Variants in DIP2C observed in about 807,000 individuals in gnomAD.
DIP2C encodes disco-interacting protein 2 homolog C.
Under a neutral mutation model 192.4 loss-of-function variants are expected in DIP2C, and 33 were observed. The observed-to-expected ratio is 0.17, with a 90% CI of 0.13 to 0.23. DIP2C has a LOEUF of 0.23. DIP2C is among the 10% of genes least tolerant of loss of function. The probability of loss-of-function intolerance (pLI) is 1.00; values close to 1 mark genes in which losing one functional copy is unlikely to be tolerated. For synonymous variants in DIP2C, 979 were observed against 864.1 expected (o/e 1.13, Z -2.33); for missense variants, 1,537 against 2,110.1 (o/e 0.73, Z 5.32).
At chr10:389,591 ATGC>A (rs1378373960) in intron 13 of DIP2C, among the ~76,000 whole-genome samples, 2 of 152,194 alleles carry the variant, frequency 1.3e-5, no homozygotes, top group Non-Finnish European at 1.5e-5. Context: ...CCAGATCCAC[ATGC>A]TGAAGCCCAG....
At chr10:303,849 T>C (rs1414527615) in intron 32 of DIP2C, among the ~76,000 whole-genome samples, 1 of 152,196 alleles carries the variant, frequency 6.6e-6, no homozygotes, top group Non-Finnish European at 1.5e-5. Context: ...TTAAACTTTT[T>C]TTTTTGTTAT....
chr10:384,528 G>A lies in DIP2C; in HGVS notation c.1756+18C>T. On this transcript the variant is annotated intron_variant, in intron 15 of 36. Coordinates refer to ENST00000280886, the MANE Select transcript of DIP2C (RefSeq NM_014974.3). The stretch of plus-strand genomic sequence containing the variant: ...GCTGGGATTACAGGTGTGAGCCACT[G>A]CGCCCGGCGAGACCCACCTTTGTAC... 1 of 1,612,470 alleles carries A rather than the reference G, an allele frequency of 6.2e-7. No individual in the cohort carries two copies. The highest frequency in any genetic ancestry group is 8.5e-7 in the Non-Finnish European group (1 of 1,179,426).
At chr10:391,566 G>A (rs899295676) in intron 10 of DIP2C, among the ~76,000 whole-genome samples, 2 of 152,244 alleles carry the variant, frequency 1.3e-5, no homozygotes, top group African/African-American at 4.8e-5. Context: ...AGGCAGGTGG[G>A]CGAGCAGCCA....
At chr10:523,347 C>G (rs12783934) in intron 1 of DIP2C, among the ~76,000 whole-genome samples, 15,706 of 88,872 alleles carry the variant, frequency 0.18, 185 homozygotes, top group East Asian at 0.33. Flanking sequence ...GCAAAGGACC[C>G]TGGAGTGACG....
chr10:528,693 G>C (rs900330304), intron 1 of DIP2C, among the ~76,000 whole-genome samples: 1 of 152,188 alleles, frequency 6.6e-6, no homozygotes, highest in Non-Finnish European at 1.5e-5. Context: ...CCGGGAGCAC[G>C]TGCTTGGATA....
Position 274,971 on chromosome 10 carries a change from C to CA in DIP2C, c.*2353dup, listed in dbSNP as rs1314392946. 2 of 152,208 alleles carry CA rather than the reference C, an allele frequency of 1.3e-5. No individual in the cohort carries two copies. The highest frequency in any genetic ancestry group is 6.5e-5 in the Admixed American group (1 of 15,276). The allele number at this position is 152,208 out of a possible 1,614,324, so 9.4% of individuals were successfully genotyped here. Reference sequence around the variant, plus strand: ...AGTGTCTCCTTTCCTTTCTCTTGCACAACCAAATTTCAATCTCAGTCCACC... The same window carrying CA: ...AGTGTCTCCTTTCCTTTCTCTTGCACAAACCAAATTTCAATCTCAGTCCACC... On this transcript the variant is annotated 3_prime_UTR_variant, in exon 37 of 37. Coordinates refer to ENST00000280886, the MANE Select transcript of DIP2C (RefSeq NM_014974.3).
At chr10:387,490 G>T (rs1184539259) in intron 14 of DIP2C, among the ~76,000 whole-genome samples, 1 of 146,160 alleles carries the variant, frequency 6.8e-6, no homozygotes, top group Non-Finnish European at 1.5e-5. Flanking sequence ...CAGGCAGTGC[G>T]GGCGGCGGGG....
At chr10:580,420 C>T (rs376798111) in intron 1 of DIP2C, among the ~76,000 whole-genome samples, 234 of 152,226 alleles carry the variant, frequency 1.5e-3, no homozygotes, top group South Asian at 5.0e-3. Context: ...GGTGTATGTA[C>T]ACAGGTACAT....
At chr10:357,961 C>G in intron 22 of DIP2C, 24 bp from the exon 23 acceptor site, 1 of 1,571,162 alleles carries the variant, frequency 6.4e-7, no homozygotes, top group Non-Finnish European at 8.7e-7. Flanking sequence ...GAGACATGGC[C>G]ATGAGGAAAC....
At chr10:535,827 G>GT (rs1847663799) in intron 1 of DIP2C, among the ~76,000 whole-genome samples, 1 of 152,150 alleles carries the variant, frequency 6.6e-6, no homozygotes, top group African/African-American at 2.4e-5. Flanking sequence ...GACACCTTGG[G>GT]TCACATTTGC....
chr10:364,550 G>A lies in DIP2C; in HGVS notation c.2301C>T (p.Ile767=). Residue 767 remains isoleucine, a synonymous_variant, in exon 20 of 37, where the codon ATC becomes ATT. Transcript: ENST00000280886. ...CTGTCCTTATGAATGGGTATTCACT[G>A]ATCGGAGCCCCGGAGCTTGTCATGG... ...VFPMTSSGAP[I]SEYPFIRTGL... is the part of the protein sequence containing the mutation. 6.2e-7 allele frequency: 1 copy of A among 1,614,132 alleles called. No individual in the cohort carries two copies.
At chr10:338,747 C>T (rs1012457340) in intron 29 of DIP2C, among the ~76,000 whole-genome samples, 1 of 152,166 alleles carries the variant, frequency 6.6e-6, no homozygotes, top group Non-Finnish European at 1.5e-5. Context: ...GCTCTGACTC[C>T]CCCACGCTGC....
chr10:457,532 C>T (rs1254567972), intron 3 of DIP2C, among the ~76,000 whole-genome samples: 5 of 152,096 alleles, frequency 3.3e-5, no homozygotes, highest in African/African-American at 4.8e-5. Context: ...TTAGAAATGA[C>T]GAGGCACAGA....
intron 17 of DIP2C, among the ~76,000 whole-genome samples, chr10:380,949 A>AC (rs1182704045): frequency 6.6e-6 from 1 of 152,016 alleles, no homozygotes; most frequent in Non-Finnish European, 1.5e-5. Flanking sequence ...CACAACTGAA[A>AC]CCCCCGCACA....
At chr10:347,884 C>G (rs12772224) in intron 26 of DIP2C, among the ~76,000 whole-genome samples, 568 of 9,844 alleles carry the variant, frequency 0.058, 47 homozygotes, top group Non-Finnish European at 0.1. Flanking sequence ...TCCCGGAAAC[C>G]CCACACGCAC....
intron 1 of DIP2C, among the ~76,000 whole-genome samples, chr10:544,392 A>C (rs1848170509): frequency 6.6e-6 from 1 of 152,266 alleles, no homozygotes; most frequent in Non-Finnish European, 1.5e-5. Flanking sequence ...TGCTGCTATG[A>C]AGATTCTTGC....
intron 1 of DIP2C, among the ~76,000 whole-genome samples, chr10:573,755 T>C (rs1202942175): frequency 4.6e-5 from 7 of 152,098 alleles, no homozygotes; most frequent in Non-Finnish European, 8.8e-5. Flanking sequence ...TTCAGAGTCT[T>C]GTAGGTACTT....
At chr10:380,396 T>TGTCCCTGGATGATGGTTAAC (rs1564638966) in intron 17 of DIP2C, among the ~76,000 whole-genome samples, 5 of 145,376 alleles carry the variant, frequency 3.4e-5, no homozygotes, top group Admixed American at 6.9e-5. Flanking sequence ...TGATGGTTAA[T>TGTCCCTGGATGATGGTTAAC]GCGCAGAAGA....
At chr10:394,865 A>C (rs1963841823) in intron 10 of DIP2C, among the ~76,000 whole-genome samples, 1 of 149,456 alleles carries the variant, frequency 6.7e-6, no homozygotes, top group Admixed American at 6.6e-5. Flanking sequence ...TACCTCACAC[A>C]GTGGGCGCTA....
Sources: allele counts gnomAD v4.1 joint callset (sites outside exome capture counted in the v4.1 genomes callset), GRCh38; gene constraint gnomAD v4.1.1; transcripts MANE v1.5; gene names NCBI Gene and HGNC (gene_info 2026-07-23, HGNC 2026-07-21).